The following MAGT1 variants were observed in gnomAD, a reference collection of about 807,000 sequenced individuals.
The protein encoded by MAGT1 is dolichyl-diphosphooligosaccharide--protein glycosyltransferase subunit MAGT1.
In MAGT1, 4 loss-of-function variants were observed where a neutral mutation model predicts 28.4. That is an observed-to-expected ratio of 0.14 (90% CI 0.07 to 0.32). MAGT1 has a LOEUF of 0.32. Ranked by LOEUF, MAGT1 falls within the 10% of genes least tolerant of loss-of-function variation. The pLI is 1.00. For missense variants in MAGT1, 193 were observed against 264.5 expected (o/e 0.73, Z 1.88); for synonymous variants, 89 against 89.7 (o/e 0.99, Z 0.04).
intron 1 of MAGT1, among the ~76,000 whole-genome samples, chrX:77,876,649 T>C (rs1429028897): frequency 9.0e-6 from 1 of 111,579 alleles, no homozygotes; most frequent in Non-Finnish European, 1.9e-5. Flanking sequence ...GGAGGAAGAA[T>C]AGCCTTTTCA....
intron 1 of MAGT1, among the ~76,000 whole-genome samples, chrX:77,876,169 T>TTA (rs2077034405): frequency 4.0e-5 from 1 of 24,769 alleles, no homozygotes; most frequent in African/African-American, 8.3e-5. Flanking sequence ...TATATATTTT[T>TTA]TTTTTTTTTT....
intron 7 of MAGT1, 114 bp from the exon 8 acceptor site, chrX:77,841,434 A>G (rs1199076040): frequency 1.8e-6 from 1 of 543,852 alleles, no homozygotes; most frequent in Non-Finnish European, 3.2e-6. Flanking sequence ...TCAACTCTTC[A>G]TTATAAAAAA....
intron 7 of MAGT1, among the ~76,000 whole-genome samples, chrX:77,843,652 A>C (rs2076941841): frequency 9.0e-6 from 1 of 111,653 alleles, no homozygotes; most frequent in African/African-American, 3.3e-5. Flanking sequence ...CTTTATCTGC[A>C]GGTTTGTGCA....
intron 7 of MAGT1, among the ~76,000 whole-genome samples, chrX:77,844,123 A>C (rs1158729969): frequency 9.0e-6 from 1 of 111,326 alleles, no homozygotes; most frequent in Non-Finnish European, 1.9e-5. Context: ...CCTCAATTTC[A>C]GAGCCTGTTA....
At chrX:77,872,244 T>A (rs375423618) in intron 2 of MAGT1, among the ~76,000 whole-genome samples, 1 of 110,751 alleles carries the variant, frequency 9.0e-6, no homozygotes, top group East Asian at 2.9e-4. Flanking sequence ...GGTTTCACCA[T>A]GTTGGCCAGG....
chrX:77,861,291 C>A (rs1488322970), intron 3 of MAGT1, among the ~76,000 whole-genome samples: 1 of 111,054 alleles, frequency 9.0e-6, no homozygotes, highest in Non-Finnish European at 1.9e-5. Flanking sequence ...ATATTACTAT[C>A]ATTATGGAAA....
intron 1 of MAGT1, among the ~76,000 whole-genome samples, chrX:77,878,220 C>T (rs1319638305): frequency 3.4e-5 from 3 of 88,121 alleles, no homozygotes; most frequent in Admixed American, 1.5e-4. Context: ...ACCCGGGAGA[C>T]GGAGGTTGCA....
intron 3 of MAGT1, 101 bp downstream of exon 3, chrX:77,870,707 G>C (rs1557217257): frequency 6.7e-6 from 4 of 595,612 alleles, no homozygotes; most frequent in Non-Finnish European, 8.5e-6. Flanking sequence ...TCTTACATAA[G>C]AGCAATCCCA....
chrX:77,842,869 T>C (rs2076939624), intron 7 of MAGT1, among the ~76,000 whole-genome samples: 1 of 111,725 alleles, frequency 9.0e-6, no homozygotes, highest in African/African-American at 3.2e-5. Context: ...ACATGTGCCA[T>C]GACCACACTT....
chrX:77,827,884 C>T lies in MAGT1; in HGVS notation c.*1336G>A, dbSNP rs1165451376. On this transcript the variant is annotated 3_prime_UTR_variant, in exon 10 of 10. Coordinates refer to ENST00000618282, the MANE Select transcript of MAGT1 (RefSeq NM_001367916.1). ...CTATATTTTTATCACAGATGGGTCA[C>T]CTTAAAAGAAAACTAAGGAGATGGA... 3 of 111,372 alleles carry T rather than the reference C, an allele frequency of 2.7e-5. No individual in the cohort carries two copies. The highest frequency in any genetic ancestry group is 5.7e-5 in the Non-Finnish European group (3 of 53,080). The allele number at this position is 111,372 out of a possible 1,213,427, so 9.2% of individuals were successfully genotyped here. A position where few individuals can be genotyped will look rare whatever the true frequency, so the allele number is the denominator to read the frequency against.
At chrX:77,830,964 TTTC>T (rs1253386797) in intron 8 of MAGT1, 69 bp from the exon 9 acceptor site, 3 of 346,757 alleles carry the variant, frequency 8.7e-6, no homozygotes, top group Non-Finnish European at 1.4e-5. Context: ...CAGTCTATAC[TTTC>T]TTTTTTTATT....
chrX:77,872,631 T>A (rs2077023319), intron 2 of MAGT1, among the ~76,000 whole-genome samples: 1 of 111,852 alleles, frequency 8.9e-6, no homozygotes, highest in South Asian at 3.7e-4. Context: ...ATATCCTGCC[T>A]GTATCAACAT....
chrX:77,829,141 G>A lies in MAGT1; in HGVS notation c.*79C>T. ...AGAGGTAATACAAAATATACAAGTT[G>A]CATTCTTCTTTTCAAACACACACGA... On this transcript the variant is annotated 3_prime_UTR_variant, in exon 10 of 10. Coordinates refer to ENST00000618282, the MANE Select transcript of MAGT1 (RefSeq NM_001367916.1). The A allele has an allele frequency of 1.2e-6, 1 of 803,002 alleles. No individual in the cohort carries two copies. Among genetic ancestry groups the A allele is most frequent in the Non-Finnish European group, 1.9e-6 (1 of 530,201 alleles). The allele number at this position is 803,002 out of a possible 1,213,427, so 66.2% of individuals were successfully genotyped here. A position where few individuals can be genotyped will look rare whatever the true frequency, so the allele number is the denominator to read the frequency against.
rs2076883026 is a variant in MAGT1 at position 77,826,416 on chromosome X, T to G, written c.*2804A>C. The stretch of plus-strand genomic sequence containing the variant: ...GTCAAAAAGCAAACAGCCAGACATT[T>G]GGTTATCTTTGCCACTACAATGTGT... On this transcript the variant is annotated 3_prime_UTR_variant, in exon 10 of 10. Coordinates refer to ENST00000618282, the MANE Select transcript of MAGT1 (RefSeq NM_001367916.1). 1 of 112,498 alleles carries G rather than the reference T, an allele frequency of 8.9e-6. No homozygotes were observed. Among genetic ancestry groups the G allele is most frequent in the Admixed American group, 9.6e-5 (1 of 10,456 alleles). 9.3% of individuals were successfully genotyped at this position (112,498 alleles called of 1,213,427 possible).
intron 1 of MAGT1, among the ~76,000 whole-genome samples, chrX:77,882,468 A>T (rs975402095): frequency 1.1e-4 from 12 of 112,125 alleles, no homozygotes; most frequent in Non-Finnish European, 2.1e-4. Context: ...ATTCAGGGTG[A>T]CTACATATTC....
Position 77,828,794 on chromosome X carries a change from G to A in MAGT1, c.*426C>T. On this transcript the variant is annotated 3_prime_UTR_variant, in exon 10 of 10. Transcript: ENST00000618282. ...AAGAAGCTAAGAATGAATTCCTAAT[G>A]TAGTTATCTGTAACAGGCATATGTG... 7.7e-6 allele frequency: 1 copy of A among 129,500 alleles called. No individual in the cohort carries two copies. The allele number at this position is 129,500 out of a possible 1,213,427, so 10.7% of individuals were successfully genotyped here.
At position 77,842,581 on chromosome X, in the gene MAGT1, C is replaced by T. The variant is rs782803875; in HGVS notation, c.827-1261G>A. 6.3e-4 allele frequency among the ~76,000 whole-genome samples: 70 copies of T among 111,265 alleles called. No homozygotes were observed. The East Asian group carries it at 0.018, about 29-fold the overall frequency. On this transcript the variant is annotated intron_variant, in intron 7 of 9. Transcript: ENST00000618282. ...GTGGCTCACGCCTGTACTCCCAGCA[C>T]TTTGAGAGGCAGAGGTAGGCGGATC...
At chrX:77,858,302 T>A (rs1557216170) in intron 3 of MAGT1, among the ~76,000 whole-genome samples, 1 of 110,958 alleles carries the variant, frequency 9.0e-6, no homozygotes, top group Non-Finnish European at 1.9e-5. Context: ...GTGATTCTCC[T>A]GCCTCAGCCT....
chrX:77,863,104 T>C (rs1447930142), intron 3 of MAGT1, among the ~76,000 whole-genome samples: 6 of 107,761 alleles, frequency 5.6e-5, no homozygotes, highest in African/African-American at 2.0e-4. Flanking sequence ...GAAGCGGAGG[T>C]TGCAGTGAGC....
Sources: gnomAD v4.1 joint callset for allele counts (sites outside exome capture counted in the v4.1 genomes callset) on GRCh38, gnomAD v4.1.1 for gene constraint, MANE v1.5 for transcripts, NCBI Gene and HGNC (gene_info 2026-07-23, HGNC 2026-07-21) for gene names.